ZNF385D: variants seen among roughly 807,000 people sequenced by gnomAD.
ZNF385D encodes the protein zinc finger protein 385D, also known as zinc finger protein 659.
A neutral mutation model predicts 35.8 loss-of-function variants in ZNF385D; 15 were observed. The ratio of observed to expected loss-of-function variants is 0.42; its 90% CI spans 0.28 to 0.64. The LOEUF (loss-of-function observed/expected upper bound fraction) is 0.64. Ranked by LOEUF, ZNF385D falls within the 30% of genes least tolerant of loss-of-function variation. The probability of loss-of-function intolerance (pLI) is 0.23; values close to 1 mark genes in which losing one functional copy is unlikely to be tolerated. For synonymous variants in ZNF385D, 212 were observed against 186.8 expected, an observed-to-expected ratio of 1.13 and a Z score of -1.10; for missense variants, 474 against 494.6, an observed-to-expected ratio of 0.96 and a Z score of 0.39.
intron 3 of ZNF385D, among the ~76,000 whole-genome samples, chr3:21,761,653 T>C (rs576798552): frequency 6.6e-6 from 1 of 152,204 alleles, no homozygotes; most frequent in African/African-American, 2.4e-5. Flanking sequence ...TAAGACACTT[T>C]GGAGGAGTGA....
intron 3 of ZNF385D, among the ~76,000 whole-genome samples, chr3:21,866,340 G>A (rs916872300): frequency 6.6e-6 from 1 of 152,114 alleles, no homozygotes; most frequent in Non-Finnish European, 1.5e-5. Context: ...TGTAATCGCA[G>A]CTACTTGGGA....
At chr3:21,772,606 G>A (rs1011827591) in intron 3 of ZNF385D, among the ~76,000 whole-genome samples, 1 of 151,866 alleles carries the variant, frequency 6.6e-6, no homozygotes, top group Admixed American at 6.6e-5. Context: ...TGCATTGTTG[G>A]TGGGAATGTA....
At chr3:21,689,617 TA>T (rs1218583851) in intron 1 of ZNF385D, among the ~76,000 whole-genome samples, 1 of 152,158 alleles carries the variant, frequency 6.6e-6, no homozygotes, top group Non-Finnish European at 1.5e-5. Context: ...TGCTTCTTAG[TA>T]ATAGCACAGA....
intron 4 of ZNF385D, among the ~76,000 whole-genome samples, chr3:21,468,375 C>T (rs1455520243): frequency 8.1e-6 from 1 of 123,568 alleles, no homozygotes; most frequent in Non-Finnish European, 1.6e-5. Context: ...GCACTCCAGC[C>T]TGGGCAACAG....
intron 3 of ZNF385D, among the ~76,000 whole-genome samples, chr3:21,759,800 T>C (rs1381673075): frequency 2.6e-5 from 4 of 152,206 alleles, no homozygotes; most frequent in African/African-American, 7.2e-5. Context: ...AAAAAGAGAT[T>C]CTTCATGATA....
chr3:22,167,271 ACCTTTGAGTGATG>A (rs1194621730), intron 3 of ZNF385D, among the ~76,000 whole-genome samples: 2 of 152,126 alleles, frequency 1.3e-5, no homozygotes, highest in African/African-American at 4.8e-5. Context: ...TTCTATGCCC[ACCTTTGAGTGATG>A]CCTTTGCTTT....
At chr3:21,457,141 G>A (rs1423470693) in intron 4 of ZNF385D, among the ~76,000 whole-genome samples, 1 of 152,124 alleles carries the variant, frequency 6.6e-6, no homozygotes, top group African/African-American at 2.4e-5. Flanking sequence ...TTTCTTGAAT[G>A]AGAGAATGAA....
At position 21,974,392 on chromosome 3, in the gene ZNF385D, C is replaced by T. The variant is rs145983730; in HGVS notation, c.325+194425G>A. On this transcript the variant is annotated intron_variant, in intron 3 of 5. Coordinates refer to the ZNF385D transcript ENST00000494108. Reference sequence around the variant, plus strand: ...GCATATACAAAAGAATAAAACTAGACCCCCACCTCTCACCAAATACAAAAA... The same window carrying T: ...GCATATACAAAAGAATAAAACTAGATCCCCACCTCTCACCAAATACAAAAA... Among the ~76,000 whole-genome samples the T allele has an allele frequency of 2.6e-5, 4 of 152,052 alleles. No individual in the cohort carries two copies. The East Asian group carries it at 5.8e-4, about 22-fold the overall frequency.
At chr3:22,275,079 A>G (rs1252227435) in intron 2 of ZNF385D, among the ~76,000 whole-genome samples, 1 of 152,082 alleles carries the variant, frequency 6.6e-6, no homozygotes, top group Admixed American at 6.6e-5. Context: ...TGAAAATGTT[A>G]TTTCTCACAC....
At chr3:21,706,944 G>A (rs2067927059) in intron 1 of ZNF385D, among the ~76,000 whole-genome samples, 1 of 152,176 alleles carries the variant, frequency 6.6e-6, no homozygotes, top group Non-Finnish European at 1.5e-5. Context: ...TCAAGTAGCT[G>A]CCTCAGCCTT....
chr3:21,998,916 T>TA (rs1695660687), intron 3 of ZNF385D, among the ~76,000 whole-genome samples: 1 of 152,162 alleles, frequency 6.6e-6, no homozygotes, highest in Non-Finnish European at 1.5e-5. Flanking sequence ...AAAATTATAT[T>TA]AAAGCAGAAA....
intron 3 of ZNF385D, among the ~76,000 whole-genome samples, chr3:22,066,499 T>A (rs1308740574): frequency 2.1e-5 from 3 of 142,328 alleles, no homozygotes. Flanking sequence ...TGTGTATGTC[T>A]GTAAGTAAAA....
intron 2 of ZNF385D, among the ~76,000 whole-genome samples, chr3:22,325,904 T>C (rs1486827895): frequency 1.3e-5 from 2 of 152,164 alleles, no homozygotes; most frequent in African/African-American, 2.4e-5. Flanking sequence ...GAATTTAGTA[T>C]ATAAAATACA....
At chr3:22,261,913 C>CT (rs746338870) in intron 2 of ZNF385D, among the ~76,000 whole-genome samples, 31 of 151,934 alleles carry the variant, frequency 2.0e-4, no homozygotes, top group African/African-American at 7.5e-4. Flanking sequence ...GTATCTTAAC[C>CT]TTTTTTTGTT....
intron 3 of ZNF385D, among the ~76,000 whole-genome samples, chr3:21,929,116 G>C (rs1246603404): frequency 2.0e-5 from 3 of 152,062 alleles, no homozygotes; most frequent in South Asian, 4.2e-4. Context: ...ATATAAATAG[G>C]ATTATATATC....
intron 2 of ZNF385D, among the ~76,000 whole-genome samples, chr3:21,634,366 AAGG>A (rs1169159564): frequency 6.7e-6 from 1 of 149,362 alleles, no homozygotes; most frequent in East Asian, 1.9e-4. Context: ...GAAAAAAAGA[AAGG>A]AAGGAAGGAA....
intron 3 of ZNF385D, among the ~76,000 whole-genome samples, chr3:22,075,988 T>C (rs1700445460): frequency 6.6e-6 from 1 of 151,936 alleles, no homozygotes; most frequent in South Asian, 2.1e-4. Context: ...AGACAGCAAG[T>C]CCTACAAATG....
At chr3:21,934,128 A>G (rs1368003039) in intron 3 of ZNF385D, among the ~76,000 whole-genome samples, 4 of 152,180 alleles carry the variant, frequency 2.6e-5, no homozygotes, top group Non-Finnish European at 5.9e-5. Context: ...AAATAGTGAT[A>G]TTTAATAGGT....
chr3:22,262,298 G>A (rs1246479378), intron 2 of ZNF385D, among the ~76,000 whole-genome samples: 1 of 151,784 alleles, frequency 6.6e-6, no homozygotes, highest in Non-Finnish European at 1.5e-5. Context: ...AGAACATTTA[G>A]GAAAATGTTC....
Sources: gnomAD v4.1 joint callset for allele counts (sites outside exome capture counted in the v4.1 genomes callset) on GRCh38, gnomAD v4.1.1 for gene constraint, MANE v1.5 for transcripts, NCBI Gene and HGNC (gene_info 2026-07-23, HGNC 2026-07-21) for gene names.